Variants in AKAP6 observed in about 807,000 individuals in gnomAD.
AKAP6 encodes A-kinase anchoring protein 6.
Under a neutral mutation model 188.5 loss-of-function variants are expected in AKAP6, and 58 were observed. The ratio of observed to expected loss-of-function variants is 0.31; its 90% confidence interval spans 0.25 to 0.38. The LOEUF (loss-of-function observed/expected upper bound fraction) is 0.38. AKAP6 is among the 10% of genes least tolerant of loss of function. The pLI is 1.00. For missense variants in AKAP6, 2,710 were observed against 2,740.0 expected, an observed-to-expected ratio of 0.99 and a Z score of 0.24; for synonymous variants, 989 against 998.6, an observed-to-expected ratio of 0.99 and a Z score of 0.18.
intron 1 of AKAP6, among the ~76,000 whole-genome samples, chr14:32,377,660 T>C (rs1888202816): frequency 6.6e-6 from 1 of 152,202 alleles, no homozygotes; most frequent in Non-Finnish European, 1.5e-5. Flanking sequence ...CAGCCACACC[T>C]GTGTTCAAGT....
rs535326063 is a variant in AKAP6 at position 32,813,178 on chromosome 14, G to A, written c.3589-8224G>A. ...GCTAGAATTGCTAGAAGAGCTCAAG[G>A]AAACACTTTACTCACATTTACCAGT... On this transcript the variant is annotated intron_variant, in intron 12 of 13. Coordinates refer to ENST00000280979, the MANE Select transcript of AKAP6 (RefSeq NM_004274.5). Among the ~76,000 whole-genome samples the A allele has an allele frequency of 5.0e-4, 76 of 152,128 alleles. 1 individual carries two copies. The highest frequency in any genetic ancestry group is 9.1e-4 in the Non-Finnish European group (62 of 67,996).
intron 12 of AKAP6, among the ~76,000 whole-genome samples, chr14:32,783,426 T>C (rs2033310558): frequency 6.6e-6 from 1 of 152,092 alleles, no homozygotes; most frequent in Non-Finnish European, 1.5e-5. Context: ...TATTCTTATA[T>C]CAAAGCATAA....
At chr14:32,340,189 A>G (rs1174772478) in intron 1 of AKAP6, among the ~76,000 whole-genome samples, 1 of 151,820 alleles carries the variant, frequency 6.6e-6, no homozygotes, top group African/African-American at 2.4e-5. Context: ...TATGATAATA[A>G]AACATATTTG....
intron 11 of AKAP6, among the ~76,000 whole-genome samples, chr14:32,771,958 C>T (rs1166551703): frequency 6.6e-6 from 1 of 152,024 alleles, no homozygotes; most frequent in Non-Finnish European, 1.5e-5. Context: ...ATATTGGGCC[C>T]CAAATTGGCA....
rs369897658 is a variant in AKAP6, at chr14:32,665,031, G to A, written c.2731-13280G>A. On this transcript the variant is annotated intron_variant, in intron 7 of 13. Transcript: ENST00000280979. The stretch of plus-strand genomic sequence containing the variant: ...GGAGATGTTCTGTGTTAAGATATGT[G>A]TAGAGAAAACTTGAACTGTGATTTT... 1.4e-4 allele frequency among the ~76,000 whole-genome samples: 22 copies of A among 152,206 alleles called. No homozygotes were observed. In the East Asian group the frequency reaches 1.5e-3, roughly 11 times the overall value.
intron 1 of AKAP6, among the ~76,000 whole-genome samples, chr14:32,376,290 C>T (rs192839025): frequency 6.0e-4 from 91 of 152,296 alleles, no homozygotes; most frequent in Non-Finnish European, 1.1e-3. Flanking sequence ...AACACTTCAA[C>T]GAAAATTAGT....
chr14:32,500,028 G>A (rs1203382762), intron 2 of AKAP6, among the ~76,000 whole-genome samples: 1 of 152,044 alleles, frequency 6.6e-6, no homozygotes, highest in Non-Finnish European at 1.5e-5. Context: ...AAATCTAATT[G>A]TAATTGATAT....
intron 4 of AKAP6, among the ~76,000 whole-genome samples, chr14:32,565,983 A>G (rs374120167): frequency 3.3e-5 from 5 of 152,124 alleles, no homozygotes; most frequent in African/African-American, 9.7e-5. Context: ...AGTGAGTTAC[A>G]TGTCTTTTCA....
chr14:32,545,220 T>C lies in AKAP6; in HGVS notation c.577-10T>C. On this transcript the variant is annotated splice_polypyrimidine_tract_variant and intron_variant, in intron 3 of 13. Transcript: ENST00000280979. Reference sequence around the variant, plus strand: ...GCATTTACTGAAACCATTGCCATTGTCTGTTTCAGGGCCGGCTTGATTCTC... The same window carrying C: ...GCATTTACTGAAACCATTGCCATTGCCTGTTTCAGGGCCGGCTTGATTCTC... 1 of 1,608,004 alleles carries C rather than the reference T, an allele frequency of 6.2e-7. No homozygotes were observed. Among genetic ancestry groups the C allele is most frequent in the African/African-American group, 1.3e-5 (1 of 74,936 alleles).
chr14:32,631,838 C>T (rs546505537), intron 7 of AKAP6, among the ~76,000 whole-genome samples: 2 of 152,086 alleles, frequency 1.3e-5, no homozygotes, highest in South Asian at 4.2e-4. Context: ...TGTGGTTAGG[C>T]TGTGAGTTGT....
intron 2 of AKAP6, among the ~76,000 whole-genome samples, chr14:32,476,598 A>C (rs930299461): frequency 1.3e-5 from 2 of 152,234 alleles, no homozygotes; most frequent in African/African-American, 4.8e-5. Context: ...TGTCAGATAA[A>C]GATTAAAACC....
intron 2 of AKAP6, among the ~76,000 whole-genome samples, chr14:32,467,179 A>G (rs1223901459): frequency 2.0e-5 from 3 of 150,984 alleles, no homozygotes; most frequent in Non-Finnish European, 4.4e-5. Flanking sequence ...AAAACTGCAC[A>G]TGAACCCCCG....
chr14:32,684,826 A>T (rs1270792933), intron 8 of AKAP6, among the ~76,000 whole-genome samples: 6 of 152,302 alleles, frequency 3.9e-5, no homozygotes, highest in Non-Finnish European at 8.8e-5. Flanking sequence ...AAAAATCATT[A>T]ACGAAATATT....
chr14:32,823,193 G>A lies in AKAP6; in HGVS notation c.5380G>A (p.Gly1794Arg), dbSNP rs1215876871. The change falls in exon 13 of 14, where the codon GGG (glycine) becomes AGG (arginine). Residue 1794 changes from glycine (G) to arginine (R), a missense_variant. Physicochemically the swap from Gly to Arg is moderately radical, Grantham distance 125. Transcript: ENST00000280979. ...TTATGAAGACTGCACCTTGATGTCAGGGCTAGACTACATAAAGAATGAATT... is the reference window on the plus strand; with the variant it reads ...TTATGAAGACTGCACCTTGATGTCAAGGCTAGACTACATAAAGAATGAATT... ...EIYEDCTLMS[G>R]LDYIKNELQT... The A allele has an allele frequency of 6.2e-7, 1 of 1,613,692 alleles. No homozygotes were observed. The highest frequency in any genetic ancestry group is 1.1e-5 in the South Asian group (1 of 91,074).
In AKAP6 at chr14:32,571,214, CT is replaced by C. The variant is rs3032428; in HGVS notation, c.2347-5893del. ...TAAAAGGTTCAACAGCAGAAGCTGACTTTTTTTTTTTTTAATATAGTGAAAT... is the reference window on the plus strand; with the variant it reads ...TAAAAGGTTCAACAGCAGAAGCTGACTTTTTTTTTTTTAATATAGTGAAAT... On this transcript the variant is annotated intron_variant, in intron 4 of 13. Transcript: ENST00000280979. Among the ~76,000 whole-genome samples the C allele has an allele frequency of 4.6e-3, 659 of 144,634 alleles. 3 individuals are homozygous for C. The highest frequency in any genetic ancestry group is 0.012 in the East Asian group (60 of 4,962). The allele number at this position is 144,634 out of a possible 152,430, so 94.9% of individuals were successfully genotyped here.
intron 13 of AKAP6, among the ~76,000 whole-genome samples, chr14:32,827,551 A>G (rs1282295034): frequency 6.6e-6 from 1 of 152,238 alleles, no homozygotes; most frequent in Non-Finnish European, 1.5e-5. Flanking sequence ...ATCTAACAGT[A>G]TGCATTTGCA....
intron 1 of AKAP6, among the ~76,000 whole-genome samples, chr14:32,353,986 A>G (rs1887387592): frequency 6.6e-6 from 1 of 152,222 alleles, no homozygotes; most frequent in Admixed American, 6.5e-5. Flanking sequence ...AGAACATTCC[A>G]TGCTCATGGA....
At chr14:32,600,919 A>C (rs7141387) in intron 7 of AKAP6, 127 bp downstream of exon 7, 401,253 of 768,288 alleles carry the variant, frequency 0.52, 106,090 homozygotes, top group East Asian at 0.84. Flanking sequence ...ATCTCTCTCT[A>C]TATATATATA....
At chr14:32,743,504 T>C (rs904612571) in intron 11 of AKAP6, among the ~76,000 whole-genome samples, 30 of 152,314 alleles carry the variant, frequency 2.0e-4, no homozygotes, top group African/African-American at 7.2e-4. Context: ...TATGATTTAG[T>C]TTCTTGCTTT....
Sources: gnomAD v4.1 joint callset for allele counts (sites outside exome capture counted in the v4.1 genomes callset) on GRCh38, gnomAD v4.1.1 for gene constraint, MANE v1.5 for transcripts, NCBI Gene and HGNC (gene_info 2026-07-23, HGNC 2026-07-21) for gene names.